GPR83: variants seen among roughly 807,000 people sequenced by gnomAD.
GPR83 encodes G protein-coupled receptor 83, also known as G-protein coupled receptor 72.
A neutral mutation model predicts 28.0 loss-of-function variants in GPR83; 23 were observed. The observed-to-expected ratio is 0.82, with a 90% confidence interval of 0.59 to 1.16. The LOEUF is 1.16. Among genes scored for constraint, GPR83 ranks in the 50% most tolerant of loss-of-function variants. The pLI is 0.00. For missense variants in GPR83, 610 were observed against 536.6 expected (o/e 1.14, Z -1.35); for synonymous variants, 234 against 215.4 (o/e 1.09, Z -0.76).
chr11:94,388,185 A>C (rs1944779335), intron 3 of GPR83, among the ~76,000 whole-genome samples: 1 of 152,190 alleles, frequency 6.6e-6, no homozygotes. Flanking sequence ...AAATAATAAG[A>C]GCTATCTATG....
intron 3 of GPR83, among the ~76,000 whole-genome samples, chr11:94,381,483 G>T (rs1363313949): frequency 1.3e-5 from 2 of 151,876 alleles, no homozygotes; most frequent in Non-Finnish European, 2.9e-5. Flanking sequence ...TCCTGGAGGG[G>T]GCCTTTATAA....
intron 3 of GPR83, among the ~76,000 whole-genome samples, chr11:94,381,592 A>T (rs1944690326): frequency 1.1e-5 from 1 of 93,304 alleles, no homozygotes; most frequent in Non-Finnish European, 2.4e-5. Flanking sequence ...CGCGTGCTGC[A>T]GGTGGGGTGG....
chr11:94,381,715 G>A (rs1371491833), intron 3 of GPR83, among the ~76,000 whole-genome samples: 15 of 152,062 alleles, frequency 9.9e-5, no homozygotes, highest in Admixed American at 9.2e-4. Context: ...CTCCCCTAAG[G>A]CCACTCAAGG....
At chr11:94,399,269 C>T (rs945001659) in intron 1 of GPR83, among the ~76,000 whole-genome samples, 1 of 152,248 alleles carries the variant, frequency 6.6e-6, no homozygotes, top group African/African-American at 2.4e-5. Context: ...AAAGCCCACT[C>T]ATCCTTGGGT....
In GPR83 at chr11:94,401,025, T is replaced by C; in HGVS notation, c.223A>G (p.Ile75Val). 2 of 1,614,188 alleles carry C rather than the reference T, an allele frequency of 1.2e-6. No individual in the cohort carries two copies. Among genetic ancestry groups the C allele is most frequent in the South Asian group, 1.1e-5 (1 of 91,090 alleles). ...ACAATGATGAAGGAGTAAGCCACAA[T>C]GAGCAGGGCTTTCACCGTGGGGTTC... ...SQNPTVKALL[I>V]VAYSFIIVFS... The change falls in exon 1 of 4, where the codon ATT becomes GTT. Residue 75 changes from isoleucine (I) to valine (V), a missense_variant. Transcript: ENST00000243673.
chr11:94,380,398 G>T lies in GPR83; in HGVS notation c.1023C>A (p.Asn341Lys), dbSNP rs1358842142. 1 of 1,614,194 alleles carries T rather than the reference G, an allele frequency of 6.2e-7. No homozygotes were observed. Among genetic ancestry groups the T allele is most frequent in the South Asian group, 1.1e-5 (1 of 91,082 alleles). The change falls in exon 4 of 4, where the codon AAC (asparagine) becomes AAA (lysine). Residue 341 changes from asparagine (N) to lysine (K), a missense_variant. Asn to Lys is a moderately conservative substitution (Grantham distance 94, BLOSUM62 0). Coordinates refer to ENST00000243673, the MANE Select transcript of GPR83 (RefSeq NM_016540.4). ...CGTTCAGCCAGCAGTATATGAAGGG[G>T]TTATAGCAGGTGCTGCTCATGGCAA... Reference protein sequence around the residue: ...HWFAMSSTCYNPFIYCWLNEN... With the variant: ...HWFAMSSTCYKPFIYCWLNEN...
At chr11:94,387,299 C>T (rs1479280525) in intron 3 of GPR83, among the ~76,000 whole-genome samples, 2 of 152,224 alleles carry the variant, frequency 1.3e-5, no homozygotes, top group African/African-American at 2.4e-5. Flanking sequence ...CATTCAAAAG[C>T]TAGCAGAAGG....
chr11:94,390,448 A>T (rs183268934), intron 3 of GPR83, among the ~76,000 whole-genome samples: 9 of 152,326 alleles, frequency 5.9e-5, no homozygotes, highest in Admixed American at 1.3e-4. Flanking sequence ...CTCCTATTCA[A>T]CGTAGTATTG....
At chr11:94,385,873 A>G (rs375974699) in intron 3 of GPR83, among the ~76,000 whole-genome samples, 2 of 152,186 alleles carry the variant, frequency 1.3e-5, no homozygotes, top group East Asian at 1.9e-4. Flanking sequence ...GCTCAAGAAG[A>G]GCAACTCCAA....
chr11:94,392,832 A>C (rs900665695), intron 3 of GPR83, among the ~76,000 whole-genome samples: 1 of 152,060 alleles, frequency 6.6e-6, no homozygotes, highest in Non-Finnish European at 1.5e-5. Flanking sequence ...TCTCAAAAAA[A>C]AAAAATCACT....
intron 3 of GPR83, among the ~76,000 whole-genome samples, chr11:94,381,899 C>A (rs936532962): frequency 1.3e-5 from 2 of 152,160 alleles, no homozygotes; most frequent in Non-Finnish European, 2.9e-5. Context: ...GGGGCAGGGG[C>A]AGCTTCCCCT....
chr11:94,381,558 AGTGT>A (rs56180709), intron 3 of GPR83, among the ~76,000 whole-genome samples: 7 of 148,054 alleles, frequency 4.7e-5, no homozygotes, highest in African/African-American at 1.5e-4. Flanking sequence ...GGAGTGAGTG[AGTGT>A]GTGTGTGTGT....
chr11:94,388,612 A>T lies in GPR83; in HGVS notation c.647+4873T>A, dbSNP rs537441091. Among the ~76,000 whole-genome samples the T allele has an allele frequency of 2.8e-4, 42 of 152,338 alleles. No homozygotes were observed. The East Asian group carries it at 6.4e-3, about 23-fold the overall frequency. ...AATAAAATACCTAGGAATCCAACTT[A>T]CAAGGGATGTGAAGGACCTCTTCAA... On this transcript the variant is annotated intron_variant, in intron 3 of 3. Transcript: ENST00000243673.
chr11:94,389,309 C>G (rs189317513), intron 3 of GPR83, among the ~76,000 whole-genome samples: 1 of 152,100 alleles, frequency 6.6e-6, no homozygotes, highest in African/African-American at 2.4e-5. Context: ...GCAACAAAAG[C>G]CAAAATTGAC....
intron 3 of GPR83, among the ~76,000 whole-genome samples, chr11:94,387,949 A>G (rs543873028): frequency 6.6e-6 from 1 of 152,232 alleles, no homozygotes; most frequent in African/African-American, 2.4e-5. Context: ...AACCGAATCC[A>G]GCAACACATC....
intron 3 of GPR83, among the ~76,000 whole-genome samples, chr11:94,389,136 A>C (rs1312769118): frequency 6.6e-6 from 1 of 152,220 alleles, no homozygotes; most frequent in African/African-American, 2.4e-5. Flanking sequence ...GAAAGCTGAA[A>C]CTGGATCCCT....
At chr11:94,391,943 T>C (rs1364518597) in intron 3 of GPR83, among the ~76,000 whole-genome samples, 1 of 152,142 alleles carries the variant, frequency 6.6e-6, no homozygotes, top group Admixed American at 6.5e-5. Flanking sequence ...GAACTAGAAA[T>C]ACCATTTGAC....
At chr11:94,399,134 C>T (rs1391339564) in intron 1 of GPR83, among the ~76,000 whole-genome samples, 1 of 152,132 alleles carries the variant, frequency 6.6e-6, no homozygotes, top group Non-Finnish European at 1.5e-5. Flanking sequence ...AGTTCCCAAC[C>T]TAGGTAGCAC....
intron 3 of GPR83, among the ~76,000 whole-genome samples, chr11:94,392,446 C>G (rs1260278721): frequency 6.6e-6 from 1 of 151,884 alleles, no homozygotes; most frequent in Non-Finnish European, 1.5e-5. Context: ...TGTACATGTA[C>G]CCCAGAATTT....
Sources: gnomAD v4.1 joint callset for allele counts (sites outside exome capture counted in the v4.1 genomes callset) on GRCh38, gnomAD v4.1.1 for gene constraint, MANE v1.5 for transcripts, NCBI Gene and HGNC (gene_info 2026-07-23, HGNC 2026-07-21) for gene names.